Variants in DENND5A observed in about 807,000 individuals in gnomAD.
DENND5A encodes DENN domain containing 5A.
In DENND5A, 64 loss-of-function variants were observed where a neutral mutation model predicts 140.3. The ratio of observed to expected loss-of-function variants is 0.46; its 90% CI spans 0.37 to 0.56. DENND5A has a LOEUF of 0.56. Among genes scored for constraint, DENND5A ranks in the 20% least tolerant of loss-of-function variants. DENND5A has a pLI of 0.00. For missense variants in DENND5A, 1,292 were observed against 1,593.8 expected (o/e 0.81, Z 3.22); for synonymous variants, 605 against 607.7 (o/e 1.00, Z 0.07).
At chr11:9,249,556 G>GT (rs765379474) in intron 1 of DENND5A, among the ~76,000 whole-genome samples, 10 of 151,788 alleles carry the variant, frequency 6.6e-5, no homozygotes. Context: ...GTATTTTATT[G>GT]TATTTTTTTG....
At chr11:9,172,661 C>T (rs183994776) in intron 8 of DENND5A, among the ~76,000 whole-genome samples, 104 of 152,248 alleles carry the variant, frequency 6.8e-4, no homozygotes, top group African/African-American at 2.4e-3. Context: ...GTGCCTTCCA[C>T]CATGCTTGTA....
intron 5 of DENND5A, among the ~76,000 whole-genome samples, chr11:9,186,838 T>C (rs1174715209): frequency 6.6e-6 from 1 of 152,144 alleles, no homozygotes; most frequent in Non-Finnish European, 1.5e-5. Context: ...CCCAGCACTT[T>C]GGGAGGCTGA....
chr11:9,210,852 G>T (rs1245041316), intron 1 of DENND5A, among the ~76,000 whole-genome samples: 1 of 152,166 alleles, frequency 6.6e-6, no homozygotes. Flanking sequence ...CCTCTTGAAG[G>T]TGATAGGGAG....
intron 4 of DENND5A, among the ~76,000 whole-genome samples, chr11:9,201,084 A>G (rs77678250): frequency 0.012 from 1,813 of 152,320 alleles, 58 homozygotes; most frequent in Admixed American, 0.055. Flanking sequence ...CCATACAATA[A>G]TAAACAAAGG....
intron 1 of DENND5A, among the ~76,000 whole-genome samples, chr11:9,239,681 C>T (rs903547121): frequency 3.3e-5 from 5 of 152,162 alleles, no homozygotes; most frequent in South Asian, 2.1e-4. Context: ...AGGCTGGTCT[C>T]GAAATCCTGG....
At chr11:9,188,423 A>C (rs987313552) in intron 5 of DENND5A, among the ~76,000 whole-genome samples, 5 of 152,238 alleles carry the variant, frequency 3.3e-5, no homozygotes, top group Non-Finnish European at 7.3e-5. Flanking sequence ...GCGCTGCTTA[A>C]AAGATACCCA....
At chr11:9,202,597 GCTAT>G (rs748091878) in intron 4 of DENND5A, among the ~76,000 whole-genome samples, 7 of 152,152 alleles carry the variant, frequency 4.6e-5, no homozygotes, top group African/African-American at 1.2e-4. Flanking sequence ...AACTCTGATG[GCTAT>G]CTAAGAGCCA....
Position 9,142,155 on chromosome 11 carries a change from A to G in DENND5A, c.3512-47T>C, listed in dbSNP as rs182092905. 110 of 1,503,056 alleles carry G rather than the reference A, an allele frequency of 7.3e-5. 1 individual carries two copies. The East Asian group carries it at 1.4e-3, about 20-fold the overall frequency. 93.1% of individuals were successfully genotyped at this position (1,503,056 alleles called of 1,614,324 possible). A position where few individuals can be genotyped will look rare whatever the true frequency, so the allele number is the denominator to read the frequency against. ...GCCAGTGAAAAGGCTCTCAACACCA[A>G]CCCTGACGGTCCTACAGGCCACTTG... On this transcript the variant is annotated intron_variant, in intron 21 of 22. Transcript: ENST00000328194.
chr11:9,156,006 T>C (rs1847790154), intron 12 of DENND5A, among the ~76,000 whole-genome samples: 1 of 152,182 alleles, frequency 6.6e-6, no homozygotes, highest in African/African-American at 2.4e-5. Context: ...CACAAGGGCA[T>C]AATAAAATCA....
intron 11 of DENND5A, among the ~76,000 whole-genome samples, chr11:9,163,370 G>A (rs1270880710): frequency 2.0e-5 from 3 of 152,076 alleles, no homozygotes; most frequent in Non-Finnish European, 4.4e-5. Flanking sequence ...ATGTTACATT[G>A]ATTACTATAT....
chr11:9,170,902 G>A (rs1848351287), intron 8 of DENND5A, 125 bp from the exon 9 acceptor site: 4 of 1,480,776 alleles, frequency 2.7e-6, no homozygotes, highest in Non-Finnish European at 3.6e-6. Flanking sequence ...AGAGTAAAAG[G>A]GACTGATTTT....
intron 1 of DENND5A, among the ~76,000 whole-genome samples, chr11:9,259,162 A>C (rs1852081090): frequency 6.6e-6 from 1 of 152,094 alleles, no homozygotes; most frequent in African/African-American, 2.4e-5. Context: ...TGAGAGGCTG[A>C]GGCAGGAGAA....
intron 1 of DENND5A, among the ~76,000 whole-genome samples, chr11:9,251,355 A>T (rs1183843648): frequency 6.6e-6 from 1 of 152,152 alleles, no homozygotes; most frequent in Non-Finnish European, 1.5e-5. Context: ...CATAATGAAC[A>T]ATAAAAAATA....
chr11:9,234,550 A>C (rs1850919634), intron 1 of DENND5A, among the ~76,000 whole-genome samples: 1 of 152,200 alleles, frequency 6.6e-6, no homozygotes, highest in East Asian at 1.9e-4. Flanking sequence ...CTGGCCCCAA[A>C]ACTGGCCATA....
At chr11:9,194,874 C>T (rs554722165) in intron 4 of DENND5A, among the ~76,000 whole-genome samples, 8 of 151,208 alleles carry the variant, frequency 5.3e-5, no homozygotes, top group South Asian at 2.1e-4. Flanking sequence ...TGCCCACCAC[C>T]GCACCTGGCT....
intron 1 of DENND5A, among the ~76,000 whole-genome samples, chr11:9,224,154 A>G (rs754902802): frequency 6.6e-6 from 1 of 152,028 alleles, no homozygotes; most frequent in Non-Finnish European, 1.5e-5. Flanking sequence ...AGATCACGCC[A>G]TTCACTCCAG....
chr11:9,207,341 C>G, intron 2 of DENND5A: 1 of 526,264 alleles, frequency 1.9e-6, no homozygotes, highest in East Asian at 3.2e-5. Context: ...TTCCCATTCC[C>G]CCTCCTAAAA....
intron 4 of DENND5A, among the ~76,000 whole-genome samples, chr11:9,200,379 A>C (rs1168855634): frequency 1.3e-5 from 2 of 152,230 alleles, no homozygotes; most frequent in African/African-American, 4.8e-5. Context: ...TCTATATTTC[A>C]CCCAGAGAGA....
chr11:9,144,331 C>T, intron 18 of DENND5A, 53 bp from the exon 19 acceptor site: 3 of 1,571,732 alleles, frequency 1.9e-6, no homozygotes, highest in Non-Finnish European at 2.6e-6. Flanking sequence ...CTGCTGCTCA[C>T]AGGAAGAGCC....
Sources: allele counts gnomAD v4.1 joint callset (sites outside exome capture counted in the v4.1 genomes callset), GRCh38; gene constraint gnomAD v4.1.1; transcripts MANE v1.5; gene names NCBI Gene and HGNC (gene_info 2026-07-23, HGNC 2026-07-21).